The following KAZN variants were observed in gnomAD, a reference collection of about 807,000 sequenced individuals.
The protein encoded by KAZN is kazrin.
KAZN carries 40 observed loss-of-function variants against 87.4 expected under a neutral mutation model. The ratio of observed to expected loss-of-function variants is 0.46; its 90% confidence interval spans 0.36 to 0.60. KAZN has a LOEUF of 0.60. KAZN is among the 20% of genes least tolerant of loss of function. The pLI is 0.00. For missense variants in KAZN, 898 were observed against 1,073.9 expected, an observed-to-expected ratio of 0.84 and a Z score of 2.29; for synonymous variants, 466 against 458.3, an observed-to-expected ratio of 1.02 and a Z score of -0.22.
At chr1:14,623,949 C>G (rs1678910161) in intron 1 of KAZN, among the ~76,000 whole-genome samples, 1 of 152,038 alleles carries the variant, frequency 6.6e-6, no homozygotes, top group South Asian at 2.1e-4. Context: ...TGTTTTATAT[C>G]TTAGAATATG....
At chr1:15,070,559 C>T (rs911700681) in intron 8 of KAZN, among the ~76,000 whole-genome samples, 2 of 152,242 alleles carry the variant, frequency 1.3e-5, no homozygotes, top group African/African-American at 4.8e-5. Flanking sequence ...GGAGCCGCCC[C>T]GCACCTGTGA....
intron 1 of KAZN, among the ~76,000 whole-genome samples, chr1:14,782,554 CAAAAAAAAAAAAAAAAAAA>C (rs71572122): frequency 1.5e-5 from 1 of 66,252 alleles, no homozygotes; most frequent in South Asian, 7.3e-4. Flanking sequence ...CCTCAAAGAG[CAAAAAAAAAAAAAAAAAAA>C]AAAAAGAAAA....
At chr1:14,622,646 G>A (rs948715637) in intron 1 of KAZN, among the ~76,000 whole-genome samples, 30 of 141,338 alleles carry the variant, frequency 2.1e-4, no homozygotes, top group African/African-American at 6.9e-4. Context: ...AGCGGAGATC[G>A]ACCACTGCAC....
chr1:14,714,029 C>T (rs1642643841), intron 1 of KAZN, among the ~76,000 whole-genome samples: 1 of 152,178 alleles, frequency 6.6e-6, no homozygotes, highest in Admixed American at 6.5e-5. Context: ...TAAATCCTGA[C>T]ACCCACCCTG....
intron 1 of KAZN, among the ~76,000 whole-genome samples, chr1:14,695,846 G>T (rs930345777): frequency 6.6e-6 from 1 of 151,904 alleles, no homozygotes; most frequent in African/African-American, 2.4e-5. Flanking sequence ...ACTGGCCATA[G>T]CTTTTAGGGG....
chr1:14,238,738 T>A (rs1272907297), intron 2 of KAZN, among the ~76,000 whole-genome samples: 1 of 152,212 alleles, frequency 6.6e-6, no homozygotes, highest in South Asian at 2.1e-4. Context: ...GCAATCCTGA[T>A]GGGGAAAGGA....
At chr1:14,493,029 G>A (rs1004090915) in intron 2 of KAZN, among the ~76,000 whole-genome samples, 16 of 151,788 alleles carry the variant, frequency 1.1e-4, no homozygotes, top group African/African-American at 2.4e-4. Flanking sequence ...CTAGACGTTC[G>A]CACAGCTTGT....
intron 2 of KAZN, among the ~76,000 whole-genome samples, chr1:14,415,287 A>G (rs755000737): frequency 6.6e-6 from 1 of 152,152 alleles, no homozygotes; most frequent in African/African-American, 2.4e-5. Flanking sequence ...ATTAATCCGG[A>G]CAATATGTAG....
At chr1:14,127,441 T>C (rs1256050636) in intron 1 of KAZN, among the ~76,000 whole-genome samples, 1 of 144,778 alleles carries the variant, frequency 6.9e-6, no homozygotes, top group Non-Finnish European at 1.5e-5. Context: ...CTGTGCAATA[T>C]AAAAATAAAG....
chr1:14,937,203 C>T (rs559629088), intron 1 of KAZN, among the ~76,000 whole-genome samples: 2 of 152,370 alleles, frequency 1.3e-5, no homozygotes, highest in Admixed American at 6.5e-5. Context: ...GATGGCTCCT[C>T]AGCAAGCCTG....
At chr1:14,234,349 A>G (rs1453857790) in intron 2 of KAZN, among the ~76,000 whole-genome samples, 1 of 152,058 alleles carries the variant, frequency 6.6e-6, no homozygotes, top group Non-Finnish European at 1.5e-5. Context: ...GTGGGAGTTG[A>G]ACAATGAGAA....
chr1:14,220,369 C>A (rs148421760), intron 2 of KAZN, among the ~76,000 whole-genome samples: 15 of 152,310 alleles, frequency 9.8e-5, no homozygotes, highest in African/African-American at 3.4e-4. Flanking sequence ...TTCTCCGCTT[C>A]CTGGTCCTGA....
chr1:15,034,111 C>T (rs1175935887), intron 2 of KAZN, among the ~76,000 whole-genome samples: 7 of 152,188 alleles, frequency 4.6e-5, no homozygotes, highest in Non-Finnish European at 8.8e-5. Context: ...CAGATAGAAG[C>T]CGCTTATGAG....
chr1:14,274,509 C>G (rs1473806728), intron 2 of KAZN, among the ~76,000 whole-genome samples: 1 of 152,156 alleles, frequency 6.6e-6, no homozygotes, highest in Non-Finnish European at 1.5e-5. Flanking sequence ...TAATAAAATG[C>G]AGATGCCAAG....
chr1:14,407,541 T>C (rs1663961994), intron 2 of KAZN, among the ~76,000 whole-genome samples: 1 of 152,162 alleles, frequency 6.6e-6, no homozygotes, highest in South Asian at 2.1e-4. Context: ...AGAGAAGATG[T>C]GAACAGGGTA....
chr1:14,936,031 A>G (rs147718731), intron 1 of KAZN, among the ~76,000 whole-genome samples: 11 of 152,348 alleles, frequency 7.2e-5, no homozygotes, highest in Admixed American at 7.2e-4. Flanking sequence ...CGCCTGGACG[A>G]CATCCGCCCA....
rs542260822 is a variant in KAZN at position 15,103,953 on chromosome 1, GGAA to G, written c.1882-69_1882-67del. ...TGCTGTTGGGGACAGAGCCCCACGT[GGAA>G]CTGGGGCCCCCTTAGGCCAGCAGCA... On this transcript the variant is annotated intron_variant, in intron 12 of 14. Coordinates refer to ENST00000376030, the MANE Select transcript of KAZN (RefSeq NM_201628.3). 1,279 of 1,484,798 alleles carry G rather than the reference GGAA, an allele frequency of 8.6e-4. 6 individuals are homozygous for G. Among genetic ancestry groups the G allele is most frequent in the Admixed American group, 2.3e-3 (117 of 50,522 alleles). The allele number at this position is 1,484,798 out of a possible 1,614,324, so 92.0% of individuals were successfully genotyped here. A position where few individuals can be genotyped will look rare whatever the true frequency, so the allele number is the denominator to read the frequency against.
At chr1:14,102,507 G>A (rs926819175) in intron 1 of KAZN, among the ~76,000 whole-genome samples, 14 of 151,664 alleles carry the variant, frequency 9.2e-5, no homozygotes, top group African/African-American at 1.9e-4. Flanking sequence ...AGCTGCCATC[G>A]TGTGTTTTGG....
At chr1:14,584,537 C>T (rs1210409315) in intron 2 of KAZN, among the ~76,000 whole-genome samples, 1 of 152,148 alleles carries the variant, frequency 6.6e-6, no homozygotes, top group Non-Finnish European at 1.5e-5. Flanking sequence ...CAGTGCTTGC[C>T]AAGTTTCTTT....
Sources: allele counts gnomAD v4.1 joint callset (sites outside exome capture counted in the v4.1 genomes callset), GRCh38; gene constraint gnomAD v4.1.1; transcripts MANE v1.5; gene names NCBI Gene and HGNC (gene_info 2026-07-23, HGNC 2026-07-21).